Variants in ADARB2 observed in about 807,000 individuals in gnomAD.
The protein encoded by ADARB2 is inactive double-stranded RNA-specific editase B2.
In ADARB2, 25 loss-of-function variants were observed where a neutral mutation model predicts 62.2. The ratio of observed to expected loss-of-function variants is 0.40; its 90% confidence interval spans 0.29 to 0.56. The LOEUF (loss-of-function observed/expected upper bound fraction) is 0.56, where lower values mean the gene tolerates loss of function less well. Ranked by LOEUF, ADARB2 falls within the 20% of genes least tolerant of loss-of-function variation. The pLI is 0.43. For synonymous variants in ADARB2, 572 were observed against 500.8 expected (o/e 1.14, Z -1.90); for missense variants, 1,071 against 1,077.4 (o/e 0.99, Z 0.08).
At chr10:1,520,333 G>C (rs1456894192) in intron 1 of ADARB2, among the ~76,000 whole-genome samples, 1 of 152,130 alleles carries the variant, frequency 6.6e-6, no homozygotes, top group African/African-American at 2.4e-5. Context: ...AAATATATCT[G>C]GAAGGACACA....
intron 6 of ADARB2, among the ~76,000 whole-genome samples, chr10:1,233,070 G>T (rs180736888): frequency 6.6e-6 from 1 of 152,096 alleles, no homozygotes; most frequent in East Asian, 1.9e-4. Context: ...GATGTCAAGG[G>T]TGGCTTCAAG....
intron 1 of ADARB2, among the ~76,000 whole-genome samples, chr10:1,593,261 C>A (rs200386309): frequency 4.9e-4 from 42 of 85,710 alleles, no homozygotes; most frequent in East Asian, 1.5e-3. Context: ...TGTCACCCAG[C>A]TTCCCTCACC....
chr10:1,303,905 A>G (rs113331424), intron 3 of ADARB2, among the ~76,000 whole-genome samples: 7,626 of 152,276 alleles, frequency 0.05, 199 homozygotes, highest in African/African-American at 0.075. Flanking sequence ...AACCGGTACC[A>G]GCCACTGCAA....
At chr10:1,723,378 C>T (rs1835121287) in intron 1 of ADARB2, among the ~76,000 whole-genome samples, 1 of 152,190 alleles carries the variant, frequency 6.6e-6, no homozygotes, top group African/African-American at 2.4e-5. Context: ...GGCCTTGGTC[C>T]CTTCTTAAGC....
chr10:1,695,034 C>T (rs1394573189), intron 1 of ADARB2, among the ~76,000 whole-genome samples: 1 of 152,174 alleles, frequency 6.6e-6, no homozygotes, highest in Non-Finnish European at 1.5e-5. Flanking sequence ...ATGTGTGGGT[C>T]ATGGGCCCCC....
intron 1 of ADARB2, among the ~76,000 whole-genome samples, chr10:1,536,283 G>A (rs12251442): frequency 0.059 from 9,002 of 152,224 alleles, 858 homozygotes; most frequent in African/African-American, 0.2. Context: ...CACAGAAAGC[G>A]CCATCTACAA....
Position 1,178,685 on chromosome 10 carries a change from C to T in ADARB2, c.*4508G>A, listed in dbSNP as rs1246721985. The T allele has an allele frequency of 6.6e-6, 1 of 152,248 alleles. No individual in the cohort carries two copies. Among genetic ancestry groups the T allele is most frequent in the Non-Finnish European group, 1.5e-5 (1 of 68,074 alleles). 9.4% of individuals were successfully genotyped at this position (152,248 alleles called of 1,614,324 possible). A position where few individuals can be genotyped will look rare whatever the true frequency, so the allele number is the denominator to read the frequency against. Reference sequence around the variant, plus strand: ...AAGAGCTGCCTGGGGGTGCTACTGCCTCTCCTGCAACACAGGGCTTCTAAA... The same window carrying T: ...AAGAGCTGCCTGGGGGTGCTACTGCTTCTCCTGCAACACAGGGCTTCTAAA... On this transcript the variant is annotated 3_prime_UTR_variant, in exon 10 of 10. Transcript: ENST00000381312.
At chr10:1,459,577 A>G (rs1478581463) in intron 1 of ADARB2, among the ~76,000 whole-genome samples, 1 of 152,254 alleles carries the variant, frequency 6.6e-6, no homozygotes, top group African/African-American at 2.4e-5. Flanking sequence ...CAGCCCGGCC[A>G]ACATGGCCAA....
At chr10:1,678,062 A>AC (rs1233021698) in intron 1 of ADARB2, 1 of 600,740 alleles carries the variant, frequency 1.7e-6, no homozygotes, top group African/African-American at 2.0e-5. Context: ...GATAATTGGA[A>AC]CTACACCACA....
intron 3 of ADARB2, among the ~76,000 whole-genome samples, chr10:1,350,522 C>G (rs374141967): frequency 1.1e-3 from 163 of 152,296 alleles, no homozygotes; most frequent in Middle Eastern, 3.4e-3. Flanking sequence ...AGCTCTCCCC[C>G]ACCTGCCCAG....
At chr10:1,571,369 T>G (rs1782976178) in intron 1 of ADARB2, among the ~76,000 whole-genome samples, 1 of 152,170 alleles carries the variant, frequency 6.6e-6, no homozygotes, top group African/African-American at 2.4e-5. Flanking sequence ...ATACTGATAC[T>G]ATAGTTTATT....
chr10:1,703,885 C>T (rs990652826), intron 1 of ADARB2, among the ~76,000 whole-genome samples: 25 of 152,304 alleles, frequency 1.6e-4, no homozygotes, highest in South Asian at 4.1e-4. Flanking sequence ...CGGTCAACCA[C>T]GGGAATGAGT....
intron 1 of ADARB2, among the ~76,000 whole-genome samples, chr10:1,498,407 TA>T (rs1057146184): frequency 6.6e-6 from 1 of 151,376 alleles, no homozygotes; most frequent in Admixed American, 6.6e-5. Flanking sequence ...AATAAATAAA[TA>T]AGTAATTTTT....
chr10:1,651,761 G>A (rs1834113755), intron 1 of ADARB2, among the ~76,000 whole-genome samples: 1 of 143,800 alleles, frequency 7.0e-6, no homozygotes, highest in Admixed American at 6.9e-5. Context: ...GGGAGCGGGG[G>A]CTGCCTGCTT....
At chr10:1,620,493 C>G (rs1833692801) in intron 1 of ADARB2, among the ~76,000 whole-genome samples, 3 of 152,076 alleles carry the variant, frequency 2.0e-5, no homozygotes. Flanking sequence ...ATTAGAGATC[C>G]CTTTACACAA....
chr10:1,682,365 C>T (rs1475534904), intron 1 of ADARB2, among the ~76,000 whole-genome samples: 2 of 152,186 alleles, frequency 1.3e-5, no homozygotes, highest in African/African-American at 2.4e-5. Context: ...GGAATGGCAG[C>T]CAGATGATCT....
chr10:1,294,228 C>T (rs1038630420), intron 3 of ADARB2, among the ~76,000 whole-genome samples: 2 of 152,164 alleles, frequency 1.3e-5, no homozygotes, highest in Admixed American at 1.3e-4. Flanking sequence ...ATCTCTCCAT[C>T]GGGGTGTGCT....
At chr10:1,258,894 T>A (rs894381094) in intron 4 of ADARB2, among the ~76,000 whole-genome samples, 2 of 152,208 alleles carry the variant, frequency 1.3e-5, no homozygotes, top group African/African-American at 2.4e-5. Flanking sequence ...ACCACATAGT[T>A]GGAAGTAAAG....
chr10:1,187,658 G>A (rs544359968), intron 8 of ADARB2, among the ~76,000 whole-genome samples: 15 of 152,234 alleles, frequency 9.9e-5, no homozygotes, highest in Admixed American at 5.9e-4. Flanking sequence ...TCCTCCCAAC[G>A]CTCCTGGCTG....
Sources: allele counts gnomAD v4.1 joint callset (sites outside exome capture counted in the v4.1 genomes callset), GRCh38; gene constraint gnomAD v4.1.1; transcripts MANE v1.5; gene names NCBI Gene and HGNC (gene_info 2026-07-23, HGNC 2026-07-21).